Variants in ALK observed in about 807,000 individuals in gnomAD.
ALK encodes ALK receptor tyrosine kinase, also known as ALK tyrosine kinase receptor.
A neutral mutation model predicts 163.1 loss-of-function variants in ALK; 74 were observed. The observed-to-expected ratio is 0.45, with a 90% CI of 0.38 to 0.55. ALK has a LOEUF of 0.55. Among genes scored for constraint, ALK ranks in the 20% least tolerant of loss-of-function variants. The pLI is 0.00. For missense variants in ALK, 2,063 were observed against 2,105.3 expected (o/e 0.98, Z 0.39); for synonymous variants, 960 against 843.2 (o/e 1.14, Z -2.40).
chr2:29,330,668 C>T (rs1416182503), intron 5 of ALK, among the ~76,000 whole-genome samples: 4 of 152,160 alleles, frequency 2.6e-5, no homozygotes, highest in Non-Finnish European at 4.4e-5. Flanking sequence ...GATTAAGAAT[C>T]TTTAGCTGGA....
chr2:29,373,287 C>T (rs533162283), intron 5 of ALK, among the ~76,000 whole-genome samples: 1 of 152,060 alleles, frequency 6.6e-6, no homozygotes, highest in Admixed American at 6.5e-5. Flanking sequence ...GGTAACAACA[C>T]CATTTATTAC....
At chr2:29,346,265 C>T (rs769192205) in intron 5 of ALK, among the ~76,000 whole-genome samples, 2 of 152,192 alleles carry the variant, frequency 1.3e-5, no homozygotes, top group Admixed American at 1.3e-4. Flanking sequence ...AGGAAGCAGG[C>T]AGGGTGAGGA....
chr2:29,749,537 G>A (rs1314875643), intron 1 of ALK, among the ~76,000 whole-genome samples: 2 of 152,130 alleles, frequency 1.3e-5, no homozygotes, highest in Non-Finnish European at 2.9e-5. Context: ...TGACCAACTA[G>A]ACCCAGGGGT....
rs141517336 is a variant in ALK at position 29,886,468 on chromosome 2, T to C, written c.667+33525A>G. 2.6e-5 allele frequency among the ~76,000 whole-genome samples: 4 copies of C among 152,382 alleles called. No homozygotes were observed. The East Asian group carries it at 7.7e-4, about 29-fold the overall frequency. On this transcript the variant is annotated intron_variant, in intron 1 of 28. Coordinates refer to ENST00000389048, the MANE Select transcript of ALK (RefSeq NM_004304.5). ...ATCTATTTGCCTGTACCTTCATCTTTGTTAGCCCTTTTATAAGAGACTAAA... is the reference window on the plus strand; with the variant it reads ...ATCTATTTGCCTGTACCTTCATCTTCGTTAGCCCTTTTATAAGAGACTAAA...
intron 3 of ALK, among the ~76,000 whole-genome samples, chr2:29,539,474 C>A (rs4666240): frequency 1.3e-5 from 2 of 151,942 alleles, no homozygotes; most frequent in Non-Finnish European, 2.9e-5. Flanking sequence ...CTATTTCTGT[C>A]TTTCTTTAAT....
At chr2:29,233,720 G>C in intron 13 of ALK, 24 bp from the exon 14 acceptor site, 1 of 1,614,166 alleles carries the variant, frequency 6.2e-7, no homozygotes, top group Non-Finnish European at 8.5e-7. Flanking sequence ...AAGCACGTTA[G>C]GTTTGTGGCC....
At chr2:29,830,796 T>G (rs578065743) in intron 1 of ALK, among the ~76,000 whole-genome samples, 2 of 139,906 alleles carry the variant, frequency 1.4e-5, no homozygotes, top group African/African-American at 2.7e-5. Context: ...CCCAGCTACT[T>G]GGGAGGCTGA....
At chr2:29,341,719 G>T (rs183802678) in intron 5 of ALK, among the ~76,000 whole-genome samples, 2 of 152,218 alleles carry the variant, frequency 1.3e-5, no homozygotes, top group South Asian at 2.1e-4. Flanking sequence ...TCCAGCTAGG[G>T]GGGAGAGGAA....
chr2:29,365,928 C>A (rs1668493940), intron 5 of ALK, among the ~76,000 whole-genome samples: 1 of 152,122 alleles, frequency 6.6e-6, no homozygotes, highest in Admixed American at 6.5e-5. Context: ...TGATGCTTTG[C>A]AACATCGCCT....
chr2:29,907,794 C>T (rs989881911), intron 1 of ALK, among the ~76,000 whole-genome samples: 5 of 152,176 alleles, frequency 3.3e-5, no homozygotes, highest in Admixed American at 6.5e-5. Flanking sequence ...CAGGCCCATG[C>T]TTTCATGTGC....
chr2:29,473,746 C>T (rs1671428096), intron 4 of ALK, among the ~76,000 whole-genome samples: 1 of 152,134 alleles, frequency 6.6e-6, no homozygotes, highest in Non-Finnish European at 1.5e-5. Flanking sequence ...ATCTCAGCTA[C>T]TCAGGAGGCT....
chr2:29,518,943 G>A (rs1379074603), intron 4 of ALK, among the ~76,000 whole-genome samples: 1 of 152,160 alleles, frequency 6.6e-6, no homozygotes, highest in Non-Finnish European at 1.5e-5. Context: ...GGAAACTGTA[G>A]TATTAAATGA....
At chr2:29,771,908 G>T (rs1558481354) in intron 1 of ALK, among the ~76,000 whole-genome samples, 1 of 152,190 alleles carries the variant, frequency 6.6e-6, no homozygotes, top group Admixed American at 6.5e-5. Flanking sequence ...GATAAGCAGG[G>T]CCTCAAATGT....
At position 29,510,145 on chromosome 2, in the gene ALK, G is replaced by C. The variant is rs184438873; in HGVS notation, c.1154+21770C>G. 4.2e-3 allele frequency among the ~76,000 whole-genome samples: 634 copies of C among 152,228 alleles called. 6 individuals are homozygous for C. Among genetic ancestry groups the C allele is most frequent in the Non-Finnish European group, 6.6e-3 (449 of 68,002 alleles). ...CCTAGAAGAAGTAAAAAGGCTGCTG[G>C]GTAAGCAGAGAGGAGGAAGCTGACT... On this transcript the variant is annotated intron_variant, in intron 4 of 28. Transcript: ENST00000389048.
chr2:29,405,388 C>G (rs949924637), intron 4 of ALK, among the ~76,000 whole-genome samples: 6 of 152,194 alleles, frequency 3.9e-5, no homozygotes, highest in East Asian at 1.9e-4. Flanking sequence ...CATGCTGTCT[C>G]CCACCATCAG....
chr2:29,838,054 CAG>C (rs1029920977), intron 1 of ALK, among the ~76,000 whole-genome samples: 1 of 151,938 alleles, frequency 6.6e-6, no homozygotes, highest in Admixed American at 6.6e-5. Context: ...AATTCTAGAA[CAG>C]AGAAATACAA....
intron 7 of ALK, among the ~76,000 whole-genome samples, chr2:29,320,086 T>C (rs1666972171): frequency 2.0e-5 from 3 of 152,212 alleles, no homozygotes; most frequent in Admixed American, 6.5e-5. Context: ...ATAGACCCTC[T>C]GTGATCCCAC....
chr2:29,856,540 T>C (rs761853952), intron 1 of ALK, among the ~76,000 whole-genome samples: 6 of 152,234 alleles, frequency 3.9e-5, no homozygotes, highest in African/African-American at 7.2e-5. Context: ...CTCGAGGTTG[T>C]GCAGTTAGGA....
rs1353662252 is a variant in ALK at position 29,673,030 on chromosome 2, T to C, written c.952+21820A>G. Among the ~76,000 whole-genome samples the C allele has an allele frequency of 6.3e-5, 8 of 126,826 alleles. No individual in the cohort carries two copies. The East Asian group carries it at 1.6e-3, about 25-fold the overall frequency. 83.2% of individuals were successfully genotyped at this position (126,826 alleles called of 152,430 possible). On this transcript the variant is annotated intron_variant, in intron 3 of 28. Coordinates refer to ENST00000389048, the MANE Select transcript of ALK (RefSeq NM_004304.5). ...CCCACTTTTTGATGGGGTTGTTTGT[T>C]TTTTTCTTGTAAATTTGTTTGAGTT...
Sources: gnomAD v4.1 joint callset for allele counts (sites outside exome capture counted in the v4.1 genomes callset) on GRCh38, gnomAD v4.1.1 for gene constraint, MANE v1.5 for transcripts, NCBI Gene and HGNC (gene_info 2026-07-23, HGNC 2026-07-21) for gene names.